KIF20B: variants seen among roughly 807,000 people sequenced by gnomAD.
The protein encoded by KIF20B is kinesin-like protein KIF20B.
Under a neutral mutation model 232.5 loss-of-function variants are expected in KIF20B, and 188 were observed. The ratio of observed to expected loss-of-function variants is 0.81; its 90% CI spans 0.72 to 0.91. The LOEUF is 0.91. Ranked by LOEUF, KIF20B falls within the 40% of genes least tolerant of loss-of-function variation. The pLI is 0.00. For synonymous variants in KIF20B, 712 were observed against 683.0 expected, an observed-to-expected ratio of 1.04 and a Z score of -0.66; for missense variants, 2,154 against 2,055.9, an observed-to-expected ratio of 1.05 and a Z score of -0.92.
chr10:89,743,966 C>T, intron 22 of KIF20B, 39 bp downstream of exon 22: 1 of 1,532,602 alleles, frequency 6.5e-7, no homozygotes, highest in South Asian at 1.3e-5. Context: ...TAAATGCATT[C>T]TCTTGGTATA....
chr10:89,718,261 T>C (rs1193958880), intron 11 of KIF20B, among the ~76,000 whole-genome samples: 3 of 152,130 alleles, frequency 2.0e-5, no homozygotes. Flanking sequence ...TGGTGGCTTA[T>C]GCCTGTAATC....
At chr10:89,724,976 A>G (rs1384659405) in intron 14 of KIF20B, 44 bp from the exon 15 acceptor site, 1 of 1,572,014 alleles carries the variant, frequency 6.4e-7, no homozygotes, top group Non-Finnish European at 8.7e-7. Flanking sequence ...AACACAAAGT[A>G]GTTCGTTTTC....
intron 28 of KIF20B, among the ~76,000 whole-genome samples, chr10:89,762,265 G>A (rs1335937012): frequency 1.3e-5 from 2 of 152,198 alleles, no homozygotes; most frequent in African/African-American, 2.4e-5. Context: ...AATGGGAAGA[G>A]TAGCAAAGTA....
chr10:89,719,774 C>T (rs1037327195), intron 13 of KIF20B, 68 bp downstream of exon 13: 73 of 1,286,706 alleles, frequency 5.7e-5, no homozygotes, highest in Admixed American at 1.9e-4. Flanking sequence ...AATCTTAAGG[C>T]TCTCTCTCTT....
intron 13 of KIF20B, 110 bp from the exon 14 acceptor site, chr10:89,723,854 C>T: frequency 1.1e-6 from 1 of 892,990 alleles, no homozygotes; most frequent in Non-Finnish European, 1.5e-6. Flanking sequence ...AAAAAGGACA[C>T]AGAATTACAA....
At position 89,709,753 on chromosome 10, in the gene KIF20B, T is replaced by A. The variant is rs1352811982; in HGVS notation, c.352-174T>A. Reference sequence around the variant, plus strand: ...TACTTGATTCCCTGGTACAGATTTCTATCTTGAAAACTTTCTGGTAGTAAA... The same window carrying A: ...TACTTGATTCCCTGGTACAGATTTCAATCTTGAAAACTTTCTGGTAGTAAA... On this transcript the variant is annotated intron_variant, in intron 4 of 32. Transcript: ENST00000371728. 2.0e-5 allele frequency among the ~76,000 whole-genome samples: 3 copies of A among 152,290 alleles called. No individual in the cohort carries two copies. In the East Asian group the frequency reaches 5.8e-4, roughly 29 times the overall value.
chr10:89,719,677 A>G lies in KIF20B; in HGVS notation c.1693A>G (p.Lys565Glu), dbSNP rs1186243011. ...EDLDKTLEEN[K>E]AFISHEEKRK... ...TCTAGATAAAACATTAGAGGAAAAT[A>G]AGGCTTTCATTAGCCACGAGGAGAA... Residue 565 changes from lysine to glutamate, a missense_variant, in exon 13 of 33, where the codon AAG (lysine) becomes GAG (glutamate). Coordinates refer to ENST00000371728, the MANE Select transcript of KIF20B (RefSeq NM_001284259.2). The G allele has an allele frequency of 6.2e-7, 1 of 1,608,104 alleles. No homozygotes were observed. Among genetic ancestry groups the G allele is most frequent in the East Asian group, 2.2e-5 (1 of 44,766 alleles).
chr10:89,773,390 T>A (rs1394386036), intron 32 of KIF20B, among the ~76,000 whole-genome samples: 3 of 151,940 alleles, frequency 2.0e-5, no homozygotes, highest in African/African-American at 4.8e-5. Flanking sequence ...TAAAAGAAAT[T>A]AAAAAAATTA....
intron 13 of KIF20B, among the ~76,000 whole-genome samples, chr10:89,720,073 A>G (rs1469886451): frequency 6.6e-6 from 1 of 152,230 alleles, no homozygotes; most frequent in African/African-American, 2.4e-5. Context: ...AAAAAATTTA[A>G]TATTGATACA....
In KIF20B at chr10:89,752,584, GAA is replaced by G; in HGVS notation, c.4244_4245del (p.Lys1415MetfsTer3). The G allele has an allele frequency of 1.9e-6, 3 of 1,600,576 alleles. No homozygotes were observed. The highest frequency in any genetic ancestry group is 1.1e-5 in the South Asian group (1 of 88,952). On this transcript the variant is annotated frameshift_variant, in exon 25 of 33. Coordinates refer to ENST00000371728, the MANE Select transcript of KIF20B (RefSeq NM_001284259.2). LOFTEE classifies it high-confidence loss of function. Reference protein sequence around the residue: ...RLATELEKWKEKCNDLETKNN... With the variant: ...RLATELEKWKXKCNDLETKNN... ...CAAATCAGAATTGGAAAAATGGAAGGAAAAATGCAATGATTTGGAAACCAAAA... is the reference window on the plus strand; with the variant it reads ...CAAATCAGAATTGGAAAAATGGAAGGAAATGCAATGATTTGGAAACCAAAA...
In KIF20B at chr10:89,738,145, C is replaced by CTAAAAG. The variant is rs55921521; in HGVS notation, c.3308_3309insAGTAAA (p.Lys1103_Glu1104insValLys). 0.26 allele frequency: 419,136 copies of CTAAAAG among 1,607,566 alleles called. 59,030 individuals carry two copies. Among genetic ancestry groups the CTAAAAG allele is most frequent in the African/African-American group, 0.47 (35,294 of 74,548 alleles). ...AGGCTATAAGGATGAAAACAATAGA[C>CTAAAAG]TAAAGGAGAAGGAGCATAAAAACCA... On this transcript the variant is annotated inframe_insertion, in exon 20 of 33. Coordinates refer to ENST00000371728, the MANE Select transcript of KIF20B (RefSeq NM_001284259.2).
chr10:89,768,879 C>T lies in KIF20B; in HGVS notation c.5233C>T (p.Gln1745Ter). 2 of 1,591,504 alleles carry T rather than the reference C, an allele frequency of 1.3e-6. No individual in the cohort carries two copies. Among genetic ancestry groups the T allele is most frequent in the Non-Finnish European group, 1.7e-6 (2 of 1,173,380 alleles). The change falls in exon 31 of 33, where the codon CAA (glutamine) becomes TAA (stop). Residue 1745 changes from glutamine (Q) to a stop codon, truncating the protein, a stop_gained. Transcript: ENST00000371728. LOFTEE classifies it high-confidence loss of function. Reference protein sequence around the residue: ...DFLQHSPSILQSKAKKIIETM... With the variant: ...DFLQHSPSIL Reference sequence around the variant, plus strand: ...CTTACAACATTCTCCCTCAATTCTTCAATCAAAAGGTTTGCAGAAAATTAA... The same window carrying T: ...CTTACAACATTCTCCCTCAATTCTTTAATCAAAAGGTTTGCAGAAAATTAA...
chr10:89,749,913 T>G (rs769709403), intron 23 of KIF20B, among the ~76,000 whole-genome samples: 6 of 152,180 alleles, frequency 3.9e-5, no homozygotes, highest in Non-Finnish European at 8.8e-5. Context: ...AGCACTTGAT[T>G]GCTTGTTCAT....
At chr10:89,736,734 A>G (rs1385417988) in intron 19 of KIF20B, among the ~76,000 whole-genome samples, 1 of 152,156 alleles carries the variant, frequency 6.6e-6, no homozygotes, top group Non-Finnish European at 1.5e-5. Flanking sequence ...TATCCAATGC[A>G]CAGTGTCGTC....
intron 29 of KIF20B, among the ~76,000 whole-genome samples, chr10:89,765,242 A>G (rs1030571941): frequency 2.6e-5 from 4 of 152,188 alleles, no homozygotes; most frequent in Non-Finnish European, 5.9e-5. Flanking sequence ...TTATACACCA[A>G]TAACAGACAA....
chr10:89,771,525 T>C (rs1201624693), intron 31 of KIF20B, among the ~76,000 whole-genome samples: 5 of 151,874 alleles, frequency 3.3e-5, no homozygotes, highest in Non-Finnish European at 5.9e-5. Flanking sequence ...CTTAAGGGAG[T>C]TATAGTCAAG....
intron 24 of KIF20B, among the ~76,000 whole-genome samples, chr10:89,752,158 A>G (rs1386822762): frequency 1.3e-5 from 2 of 152,106 alleles, no homozygotes; most frequent in African/African-American, 4.8e-5. Context: ...AGTACTTTGT[A>G]AACCCTAAAA....
chr10:89,734,855 A>T (rs187701470), intron 19 of KIF20B, among the ~76,000 whole-genome samples: 1 of 152,336 alleles, frequency 6.6e-6, no homozygotes, highest in Non-Finnish European at 1.5e-5. Flanking sequence ...GTAATGTAAC[A>T]AACTGATATG....
intron 24 of KIF20B, among the ~76,000 whole-genome samples, 199 bp downstream of exon 24, chr10:89,751,670 G>GA (rs1176900300): frequency 2.9e-5 from 4 of 140,146 alleles, no homozygotes; most frequent in African/African-American, 1.1e-4. Flanking sequence ...TGCAGTAAAG[G>GA]AGTAAGGACA....
Sources: allele counts gnomAD v4.1 joint callset (sites outside exome capture counted in the v4.1 genomes callset), GRCh38; gene constraint gnomAD v4.1.1; transcripts MANE v1.5; gene names NCBI Gene and HGNC (gene_info 2026-07-23, HGNC 2026-07-21).